The following PTPRT variants were observed in gnomAD, a reference collection of about 807,000 sequenced individuals.
PTPRT encodes the protein protein tyrosine phosphatase receptor type T.
A neutral mutation model predicts 176.8 loss-of-function variants in PTPRT; 56 were observed. The observed-to-expected ratio is 0.32, with a 90% confidence interval of 0.26 to 0.40. The LOEUF (loss-of-function observed/expected upper bound fraction) is 0.40, where lower values mean the gene tolerates loss of function less well. PTPRT is among the 10% of genes least tolerant of loss of function. The pLI is 1.00. For missense variants in PTPRT, 1,540 were observed against 1,908.2 expected (o/e 0.81, Z 3.60); for synonymous variants, 783 against 739.0 (o/e 1.06, Z -0.96).
intron 1 of PTPRT, among the ~76,000 whole-genome samples, chr20:42,898,673 A>G (rs189524138): frequency 1.3e-3 from 201 of 152,246 alleles, no homozygotes; most frequent in Admixed American, 2.5e-3. Context: ...TGCCTGGTGC[A>G]TTTGTACATT....
intron 5 of PTPRT, among the ~76,000 whole-genome samples, chr20:42,761,176 T>TCA: frequency 6.6e-6 from 1 of 152,296 alleles, no homozygotes; most frequent in Non-Finnish European, 1.5e-5. Flanking sequence ...GGCTGACGCC[T>TCA]GTAATCCCAG....
rs542457622 is a variant in PTPRT at position 42,262,767 on chromosome 20, T to G, written c.2177-13945A>C. On this transcript the variant is annotated intron_variant, in intron 13 of 30. Coordinates refer to ENST00000373187, the MANE Select transcript of PTPRT (RefSeq NM_007050.6). ...TGTGTGCTAGGCACAGGGAAAGAGT[T>G]GATAGAAACCAAACAGCTCCAACAA... Among the ~76,000 whole-genome samples, 7 of 150,764 alleles carry G rather than the reference T, an allele frequency of 4.6e-5. No homozygotes were observed. The South Asian group carries it at 1.5e-3, about 32-fold the overall frequency.
chr20:42,122,240 A>G (rs1987629187), intron 19 of PTPRT, among the ~76,000 whole-genome samples: 2 of 152,340 alleles, frequency 1.3e-5, no homozygotes, highest in South Asian at 2.1e-4. Context: ...GAGTTGATAT[A>G]TAACAGTTAC....
At chr20:42,358,723 C>T (rs1334739105) in intron 9 of PTPRT, among the ~76,000 whole-genome samples, 3 of 152,104 alleles carry the variant, frequency 2.0e-5, no homozygotes, top group African/African-American at 7.2e-5. Flanking sequence ...CAGTCTCAGC[C>T]CCCTGTACTT....
At chr20:42,362,098 A>G (rs1345840857) in intron 9 of PTPRT, among the ~76,000 whole-genome samples, 2 of 152,062 alleles carry the variant, frequency 1.3e-5, no homozygotes, top group Non-Finnish European at 2.9e-5. Flanking sequence ...CCATCTCCAC[A>G]AAAAATTTTT....
downstream of PTPRT, among the ~76,000 whole-genome samples, chr20:42,071,901 TC>T (rs1019780500): frequency 6.6e-6 from 1 of 151,930 alleles, no homozygotes; most frequent in Admixed American, 6.6e-5. Context: ...CTAAGTGATC[TC>T]CCACTTTGGT....
intron 2 of PTPRT, among the ~76,000 whole-genome samples, chr20:42,848,026 C>T (rs1386907873): frequency 1.3e-5 from 2 of 151,954 alleles, no homozygotes; most frequent in African/African-American, 4.8e-5. Context: ...TTGTGTCATT[C>T]TTATGCCTTT....
intron 5 of PTPRT, among the ~76,000 whole-genome samples, chr20:42,758,769 C>T (rs1425842390): frequency 6.6e-6 from 1 of 152,224 alleles, no homozygotes; most frequent in Non-Finnish European, 1.5e-5. Flanking sequence ...AATGCCAGCT[C>T]TGCAGCTTCC....
At chr20:43,126,045 A>G (rs376145531) in intron 1 of PTPRT, among the ~76,000 whole-genome samples, 2 of 152,180 alleles carry the variant, frequency 1.3e-5, no homozygotes, top group Non-Finnish European at 2.9e-5. Context: ...CTGTTTGTGT[A>G]TTGCTTAAAG....
intron 14 of PTPRT, among the ~76,000 whole-genome samples, chr20:42,247,775 G>A (rs146818511): frequency 2.6e-4 from 40 of 152,286 alleles, no homozygotes; most frequent in African/African-American, 8.9e-4. Context: ...CTGAGAAGAC[G>A]TGGAGGTGGG....
intron 6 of PTPRT, among the ~76,000 whole-genome samples, chr20:42,727,223 A>T (rs1438287110): frequency 6.6e-6 from 1 of 151,752 alleles, no homozygotes; most frequent in Non-Finnish European, 1.5e-5. Flanking sequence ...CAATGCAAGC[A>T]AAAAAAGAGG....
In PTPRT at chr20:42,677,929, G is replaced by A. The variant is rs2075535956; in HGVS notation, c.1090C>T (p.Arg364Ter). 3 of 1,614,116 alleles carry A rather than the reference G, an allele frequency of 1.9e-6. No homozygotes were observed. The highest frequency in any genetic ancestry group is 2.2e-5 in the East Asian group (1 of 44,870). Reference protein sequence around the residue: ...VEYEIRVLLTRPGEGGTGPPG... With the variant: ...VEYEIRVLLT The stretch of plus-strand genomic sequence containing the variant: ...GGTCCCGTACCCCCCTCACCTGGTC[G>A]TGTGAGGAGCACTCGGATCTCATAC... Residue 364 changes from arginine (R) to a stop codon, truncating the protein, a stop_gained, in exon 7 of 31, where the codon CGA (arginine) becomes TGA (stop). Transcript: ENST00000373187. LOFTEE classifies it high-confidence loss of function.
At chr20:42,128,986 T>C (rs1987998185) in intron 18 of PTPRT, among the ~76,000 whole-genome samples, 156 bp from the exon 19 acceptor site, 3 of 152,218 alleles carry the variant, frequency 2.0e-5, no homozygotes, top group Admixed American at 2.0e-4. Flanking sequence ...CTCCCATTTA[T>C]AGATGAGGAA....
At chr20:42,592,283 G>C (rs1482639132) in intron 7 of PTPRT, among the ~76,000 whole-genome samples, 1 of 152,128 alleles carries the variant, frequency 6.6e-6, no homozygotes, top group Non-Finnish European at 1.5e-5. Context: ...CTTTGCTGGA[G>C]ATTCTATTAC....
chr20:42,990,325 A>G (rs1983832340), intron 1 of PTPRT, among the ~76,000 whole-genome samples: 2 of 152,140 alleles, frequency 1.3e-5, no homozygotes, highest in African/African-American at 2.4e-5. Flanking sequence ...TAGATACTGC[A>G]TTGAGGATTT....
At chr20:42,035,257 T>A in the PTPRT span, among the ~76,000 whole-genome samples, 1 of 152,144 alleles carries the variant, frequency 6.6e-6, no homozygotes, top group African/African-American at 2.4e-5. Flanking sequence ...TTTCCTAATT[T>A]GCATGACAGC....
At chr20:42,085,946 C>CT (rs1229699753) in intron 27 of PTPRT, 93 bp from the exon 28 acceptor site, 6 of 1,373,490 alleles carry the variant, frequency 4.4e-6, no homozygotes, top group East Asian at 4.9e-5. Context: ...TTCTTTTTTT[C>CT]TTTTTCTTTT....
chr20:43,143,782 G>A (rs1395738285), intron 1 of PTPRT, among the ~76,000 whole-genome samples: 1 of 152,152 alleles, frequency 6.6e-6, no homozygotes, highest in African/African-American at 2.4e-5. Flanking sequence ...TCAACCAAGG[G>A]ACCTTGCTTG....
intron 7 of PTPRT, among the ~76,000 whole-genome samples, chr20:42,649,528 A>G (rs1177527037): frequency 6.6e-6 from 1 of 152,136 alleles, no homozygotes; most frequent in Non-Finnish European, 1.5e-5. Flanking sequence ...TGTTCTCACC[A>G]CATCCTATAA....
Sources: gnomAD v4.1 joint callset for allele counts (sites outside exome capture counted in the v4.1 genomes callset) on GRCh38, gnomAD v4.1.1 for gene constraint, MANE v1.5 for transcripts, NCBI Gene and HGNC (gene_info 2026-07-23, HGNC 2026-07-21) for gene names.